The following CDKAL1 variants were observed in gnomAD, a reference collection of about 807,000 sequenced individuals.
CDKAL1 encodes the protein CDKAL1 threonylcarbamoyladenosine tRNA methylthiotransferase, also known as threonylcarbamoyladenosine tRNA methylthiotransferase.
Under a neutral mutation model 68.2 loss-of-function variants are expected in CDKAL1, and 32 were observed. The ratio of observed to expected loss-of-function variants is 0.47; its 90% confidence interval spans 0.35 to 0.63. The LOEUF (loss-of-function observed/expected upper bound fraction) is 0.63, where lower values mean the gene tolerates loss of function less well. CDKAL1 is among the 30% of genes least tolerant of loss of function. The pLI is 0.00. For missense variants in CDKAL1, 606 were observed against 696.7 expected, an observed-to-expected ratio of 0.87 and a Z score of 1.47; for synonymous variants, 234 against 244.3, an observed-to-expected ratio of 0.96 and a Z score of 0.39.
intron 11 of CDKAL1, among the ~76,000 whole-genome samples, chr6:21,048,634 C>T (rs1201352985): frequency 6.6e-6 from 1 of 152,006 alleles, no homozygotes; most frequent in Non-Finnish European, 1.5e-5. Context: ...TTTTTGGTAA[C>T]ACTTCCATTA....
Position 20,768,303 on chromosome 6 carries a change from C to T in CDKAL1, c.517+9660C>T, listed in dbSNP as rs73732771. Among the ~76,000 whole-genome samples, 1,280 of 152,240 alleles carry T rather than the reference C, an allele frequency of 8.4e-3. 13 individuals carry two copies. The highest frequency in any genetic ancestry group is 0.028 in the African/African-American group (1,175 of 41,526). ...TTGCAAATTGTATCACATGGAAGGT[C>T]ACTTCCACTCTGAAATTCTTGAAGT... On this transcript the variant is annotated intron_variant, in intron 7 of 15. Coordinates refer to ENST00000274695, the MANE Select transcript of CDKAL1 (RefSeq NM_017774.3).
chr6:21,082,094 T>C (rs1440151199), intron 12 of CDKAL1, among the ~76,000 whole-genome samples: 1 of 152,188 alleles, frequency 6.6e-6, no homozygotes, highest in Non-Finnish European at 1.5e-5. Flanking sequence ...ATTTATTTCA[T>C]AATTAAGGAC....
intron 8 of CDKAL1, among the ~76,000 whole-genome samples, chr6:20,790,981 G>C (rs1347501885): frequency 1.3e-5 from 2 of 152,172 alleles, no homozygotes; most frequent in Non-Finnish European, 2.9e-5. Context: ...TGGTGGAGGA[G>C]GGGGGATCAA....
At chr6:20,607,038 AGGGATTATGGCT>A (rs1766362250) in intron 4 of CDKAL1, among the ~76,000 whole-genome samples, 1 of 152,214 alleles carries the variant, frequency 6.6e-6, no homozygotes, top group Non-Finnish European at 1.5e-5. Context: ...GGTAGTAAGC[AGGGATTATGGCT>A]GGGTCTTTGA....
At chr6:21,157,181 A>G (rs930060874) in intron 13 of CDKAL1, among the ~76,000 whole-genome samples, 4 of 152,190 alleles carry the variant, frequency 2.6e-5, no homozygotes, top group African/African-American at 7.2e-5. Flanking sequence ...CCTAGCCAGC[A>G]GTGTTAGAAT....
intron 10 of CDKAL1, among the ~76,000 whole-genome samples, chr6:20,966,353 G>A (rs113826024): frequency 2.6e-5 from 4 of 152,264 alleles, no homozygotes; most frequent in African/African-American, 9.6e-5. Context: ...TAATGATTAT[G>A]TCCTAAGTTG....
intron 4 of CDKAL1, among the ~76,000 whole-genome samples, chr6:20,638,024 A>G (rs62397575): frequency 6.6e-6 from 1 of 152,224 alleles, no homozygotes; most frequent in Admixed American, 6.5e-5. Flanking sequence ...ACGATTACAA[A>G]TAATACCTGT....
Position 20,548,669 on chromosome 6 carries a change from G to A in CDKAL1, c.250G>A (p.Ala84Thr), listed in dbSNP as rs775019317. 3.8e-6 allele frequency: 6 copies of A among 1,588,728 alleles called. No individual in the cohort carries two copies. The South Asian group carries it at 4.5e-5, about 12-fold the overall frequency. ...SHNNSDGEYM[A>T]GQLAAYGYKI... ...TAATAATTCAGATGGAGAATATATG[G>A]CTGGACAGCTAGCTGCTTATGGCTA... The change falls in exon 4 of 16, where the codon GCT becomes ACT. Residue 84 changes from alanine to threonine, a missense_variant. Ala to Thr is a moderately conservative substitution (Grantham distance 58, BLOSUM62 0). Transcript: ENST00000274695.
chr6:21,047,772 A>C (rs867687649), intron 11 of CDKAL1, among the ~76,000 whole-genome samples: 1 of 152,220 alleles, frequency 6.6e-6, no homozygotes, highest in Non-Finnish European at 1.5e-5. Flanking sequence ...ACTGTGAATG[A>C]ATTAAGATGC....
At chr6:21,142,397 T>G (rs1284687511) in intron 13 of CDKAL1, among the ~76,000 whole-genome samples, 1 of 152,032 alleles carries the variant, frequency 6.6e-6, no homozygotes, top group Admixed American at 6.5e-5. Flanking sequence ...GGGTGCCCAG[T>G]TTTTACCCAA....
chr6:21,217,491 ATTTATT>A (rs1779383563), intron 15 of CDKAL1, among the ~76,000 whole-genome samples: 1 of 138,764 alleles, frequency 7.2e-6, no homozygotes, highest in Admixed American at 7.0e-5. Context: ...ATTTTTATTT[ATTTATT>A]TTTATTTATT....
At chr6:21,187,782 G>A (rs1421815963) in intron 13 of CDKAL1, among the ~76,000 whole-genome samples, 1 of 151,968 alleles carries the variant, frequency 6.6e-6, no homozygotes, top group Non-Finnish European at 1.5e-5. Flanking sequence ...CTTACTTTTT[G>A]TGTCGTCAGT....
intron 8 of CDKAL1, among the ~76,000 whole-genome samples, chr6:20,823,077 CTCTG>C (rs1451536296): frequency 2.0e-5 from 3 of 152,288 alleles, no homozygotes; most frequent in Admixed American, 6.5e-5. Flanking sequence ...TTCTCTCTCT[CTCTG>C]TCTCTCTCAC....
intron 4 of CDKAL1, among the ~76,000 whole-genome samples, chr6:20,554,353 T>A (rs750296979): frequency 6.6e-6 from 1 of 152,254 alleles, no homozygotes; most frequent in Non-Finnish European, 1.5e-5. Context: ...TTTTTATAGA[T>A]TAAACTTTTT....
At chr6:20,962,213 TTTA>T (rs1765093104) in intron 10 of CDKAL1, among the ~76,000 whole-genome samples, 3 of 152,214 alleles carry the variant, frequency 2.0e-5, no homozygotes, top group Non-Finnish European at 4.4e-5. Context: ...TATGCTACAT[TTTA>T]TTTAGCTTGA....
intron 12 of CDKAL1, among the ~76,000 whole-genome samples, chr6:21,067,954 A>T (rs568260893): frequency 3.3e-5 from 5 of 152,074 alleles, no homozygotes; most frequent in Non-Finnish European, 7.4e-5. Context: ...CTGTTAATTA[A>T]CCATTTTGAG....
intron 8 of CDKAL1, among the ~76,000 whole-genome samples, chr6:20,812,643 C>G (rs1470495609): frequency 1.3e-5 from 2 of 152,152 alleles, no homozygotes; most frequent in South Asian, 2.1e-4. Flanking sequence ...GTACGTTCCC[C>G]TATTTTTCTG....
chr6:20,987,443 C>T (rs1197710758), intron 10 of CDKAL1, among the ~76,000 whole-genome samples: 3 of 151,910 alleles, frequency 2.0e-5, no homozygotes, highest in South Asian at 2.1e-4. Context: ...TTAGTAAAGA[C>T]GGGGTTTTAC....
At chr6:20,949,239 T>A (rs1290500336) in intron 9 of CDKAL1, among the ~76,000 whole-genome samples, 2 of 152,246 alleles carry the variant, frequency 1.3e-5, no homozygotes, top group African/African-American at 2.4e-5. Context: ...CCAGCTGTTG[T>A]TGTAGGGTAA....
Sources: gnomAD v4.1 joint callset for allele counts (sites outside exome capture counted in the v4.1 genomes callset) on GRCh38, gnomAD v4.1.1 for gene constraint, MANE v1.5 for transcripts, NCBI Gene and HGNC (gene_info 2026-07-23, HGNC 2026-07-21) for gene names.